Variants in MYO5B observed in about 807,000 individuals in gnomAD.
MYO5B encodes the protein myosin VB, also known as unconventional myosin-Vb.
MYO5B carries 143 observed loss-of-function variants against 229.3 expected under a neutral mutation model. The observed-to-expected ratio is 0.62, with a 90% CI of 0.54 to 0.72. The LOEUF is 0.72. MYO5B is among the 30% of genes least tolerant of loss of function. The pLI is 0.00. For missense variants in MYO5B, 2,321 were observed against 2,331.0 expected, an observed-to-expected ratio of 1.00 and a Z score of 0.09; for synonymous variants, 918 against 885.2, an observed-to-expected ratio of 1.04 and a Z score of -0.66.
At chr18:49,932,818 C>G (rs927582379) in intron 16 of MYO5B, among the ~76,000 whole-genome samples, 1 of 152,138 alleles carries the variant, frequency 6.6e-6, no homozygotes, top group Non-Finnish European at 1.5e-5. Flanking sequence ...CTTCCTCTCC[C>G]CAACAGTAAA....
At chr18:50,018,671 G>A (rs1314571421) in intron 4 of MYO5B, among the ~76,000 whole-genome samples, 1 of 152,136 alleles carries the variant, frequency 6.6e-6, no homozygotes, top group Admixed American at 6.6e-5. Context: ...CTTGCCTGAG[G>A]TCACACAGCT....
chr18:49,997,534 G>A (rs1295152925), intron 5 of MYO5B, among the ~76,000 whole-genome samples: 1 of 151,810 alleles, frequency 6.6e-6, no homozygotes, highest in African/African-American at 2.4e-5. Context: ...AAGAAATGAT[G>A]TGATATCTCT....
In MYO5B at chr18:49,992,340, A is replaced by T; in HGVS notation, c.704T>A (p.Ile235Asn). 1.2e-6 allele frequency: 2 copies of T among 1,614,168 alleles called. No individual in the cohort carries two copies. Among genetic ancestry groups the T allele is most frequent in the Non-Finnish European group, 1.7e-6 (2 of 1,180,014 alleles). The change falls in exon 6 of 40, where the codon ATC becomes AAC. Residue 235 changes from isoleucine to asparagine, a missense_variant. Physicochemically the swap from Ile to Asn is moderately radical, Grantham distance 149. Transcript: ENST00000285039. ...QIGFDKRYHI[I>N]GANMRTYLLE... is the part of the protein sequence containing the mutation. ...GAGGTAAGTCCTCATGTTGGCCCCG[A>T]TGATGTGGTACCTTTTGTCAAAGCC...
At chr18:49,849,281 G>T (rs1170867727) in intron 32 of MYO5B, among the ~76,000 whole-genome samples, 4 of 152,120 alleles carry the variant, frequency 2.6e-5, no homozygotes, top group Admixed American at 6.5e-5. Context: ...TGAGGGCAGG[G>T]ACCACCAGGT....
intron 1 of MYO5B, among the ~76,000 whole-genome samples, chr18:50,056,555 A>C (rs1316823967): frequency 6.6e-6 from 1 of 152,196 alleles, no homozygotes; most frequent in African/African-American, 2.4e-5. Flanking sequence ...ATTATCAGGA[A>C]ACCTGAAACA....
At chr18:49,827,062 C>G (rs954226957) in intron 39 of MYO5B, among the ~76,000 whole-genome samples, 1 of 152,074 alleles carries the variant, frequency 6.6e-6, no homozygotes, top group Non-Finnish European at 1.5e-5. Flanking sequence ...AAGAGTACAT[C>G]ACATAAAATG....
intron 12 of MYO5B, among the ~76,000 whole-genome samples, 172 bp from the exon 13 acceptor site, chr18:49,954,607 C>T (rs1170648165): frequency 1.3e-5 from 2 of 152,184 alleles, no homozygotes; most frequent in African/African-American, 4.8e-5. Context: ...TGTTCAGGAT[C>T]CGGCCACGGC....
chr18:50,135,421 T>C (rs995280198), intron 1 of MYO5B, among the ~76,000 whole-genome samples: 4 of 152,348 alleles, frequency 2.6e-5, no homozygotes, highest in African/African-American at 9.6e-5. Flanking sequence ...GAGATGATCA[T>C]ATTCGTCTTT....
chr18:50,045,477 TCCG>T (rs1444420560), intron 2 of MYO5B, among the ~76,000 whole-genome samples: 3 of 152,198 alleles, frequency 2.0e-5, no homozygotes, highest in Non-Finnish European at 4.4e-5. Context: ...AACTGCAATC[TCCG>T]CCTCCTGAGC....
chr18:50,024,061 T>C (rs139187290), intron 4 of MYO5B, among the ~76,000 whole-genome samples: 8 of 152,084 alleles, frequency 5.3e-5, no homozygotes, highest in Non-Finnish European at 8.8e-5. Flanking sequence ...GGAAGAAAAA[T>C]CTCTGCTTTA....
rs546570728 is a variant in MYO5B at position 49,906,367 on chromosome 18, C to T, written c.2414+52G>A. On this transcript the variant is annotated intron_variant, in intron 19 of 39. Transcript: ENST00000285039. ...GCCAAGTAGCTGAGAAAGGCAGACC[C>T]CCATCTTCCCCACCATGATCTGCTG... is the stretch of plus-strand genomic sequence containing the variant. 5.8e-5 allele frequency: 90 copies of T among 1,558,680 alleles called. 1 individual carries two copies. In the South Asian group the frequency reaches 9.7e-4, roughly 17 times the overall value.
In MYO5B at chr18:49,895,190, G is replaced by C; in HGVS notation, c.2812-16C>G. The C allele has an allele frequency of 6.3e-7, 1 of 1,594,688 alleles. No individual in the cohort carries two copies. The highest frequency in any genetic ancestry group is 8.6e-7 in the Non-Finnish European group (1 of 1,162,838). On this transcript the variant is annotated splice_polypyrimidine_tract_variant and intron_variant, in intron 21 of 39. Coordinates refer to ENST00000285039, the MANE Select transcript of MYO5B (RefSeq NM_001080467.3). Reference sequence around the variant, plus strand: ...ACTCTTTGTTCTGTGGAGAACATCAGCAAACAAGGAGAAGGGAGAAGAAGT... The same window carrying C: ...ACTCTTTGTTCTGTGGAGAACATCACCAAACAAGGAGAAGGGAGAAGAAGT...
intron 1 of MYO5B, among the ~76,000 whole-genome samples, chr18:50,151,178 C>T (rs1359572100): frequency 6.6e-6 from 1 of 152,174 alleles, no homozygotes; most frequent in Admixed American, 6.5e-5. Context: ...TGTTTTTAAT[C>T]CCACTCCCAC....
intron 1 of MYO5B, among the ~76,000 whole-genome samples, chr18:50,126,332 G>T (rs1194174667): frequency 2.6e-5 from 4 of 152,182 alleles, no homozygotes; most frequent in Non-Finnish European, 5.9e-5. Flanking sequence ...GGACACTAGA[G>T]ACACAGTAGT....
chr18:50,005,603 G>A (rs1160323245), intron 4 of MYO5B, among the ~76,000 whole-genome samples: 1 of 152,186 alleles, frequency 6.6e-6, no homozygotes, highest in African/African-American at 2.4e-5. Flanking sequence ...TTTTTGTAGA[G>A]ATGGGGTTTT....
intron 1 of MYO5B, among the ~76,000 whole-genome samples, chr18:50,138,425 G>A (rs2032368546): frequency 6.6e-6 from 1 of 152,162 alleles, no homozygotes; most frequent in South Asian, 2.1e-4. Flanking sequence ...GGGGGGGGTG[G>A]CAGGAGCAGT....
chr18:50,116,862 A>G (rs541573320), intron 1 of MYO5B, among the ~76,000 whole-genome samples: 317 of 152,068 alleles, frequency 2.1e-3, no homozygotes, highest in African/African-American at 6.4e-3. Context: ...AAAAAAACCA[A>G]AAAACAAAAA....
At chr18:49,988,536 A>G (rs754363150) in intron 7 of MYO5B, among the ~76,000 whole-genome samples, 4 of 152,192 alleles carry the variant, frequency 2.6e-5, no homozygotes, top group Non-Finnish European at 4.4e-5. Context: ...CTGAAAAAGA[A>G]ATTTAGGAGG....
chr18:50,041,958 T>C (rs1041835023), intron 2 of MYO5B, among the ~76,000 whole-genome samples: 1 of 152,132 alleles, frequency 6.6e-6, no homozygotes, highest in Non-Finnish European at 1.5e-5. Flanking sequence ...ATACCTAGAA[T>C]ACAAATCACA....
Sources: gnomAD v4.1 joint callset for allele counts (sites outside exome capture counted in the v4.1 genomes callset) on GRCh38, gnomAD v4.1.1 for gene constraint, MANE v1.5 for transcripts, NCBI Gene and HGNC (gene_info 2026-07-23, HGNC 2026-07-21) for gene names.